PARVB: variants seen among roughly 807,000 people sequenced by gnomAD.
PARVB encodes parvin beta.
Under a neutral mutation model 47.0 loss-of-function variants are expected in PARVB, and 46 were observed. That is an observed-to-expected ratio of 0.98 (90% confidence interval 0.77 to 1.25). The LOEUF (loss-of-function observed/expected upper bound fraction) is 1.25. Among genes scored for constraint, PARVB ranks in the 50% most tolerant of loss-of-function variants. PARVB has a pLI of 0.00. For synonymous variants in PARVB, 196 were observed against 196.3 expected (o/e 1.00, Z 0.01); for missense variants, 473 against 471.6 (o/e 1.00, Z -0.03).
At position 44,049,789 on chromosome 22, in the gene PARVB, G is replaced by A. The variant is rs2051175212; in HGVS notation, c.112+25338G>A. ...AGCAGGAGACCTCTGCCCGGGAACG[G>A]GCCATTTGGGGGCTCAGCCATCTGG... is the stretch of plus-strand genomic sequence containing the variant. On this transcript the variant is annotated intron_variant, in intron 1 of 12. Transcript: ENST00000338758. This position sits in a 1 kb window ranked among gnomAD's most constrained non-coding sequence, Gnocchi z 4.0. 6.6e-6 allele frequency among the ~76,000 whole-genome samples: 1 copy of A among 152,220 alleles called. No individual in the cohort carries two copies. Among genetic ancestry groups the A allele is most frequent in the Admixed American group, 6.5e-5 (1 of 15,284 alleles).
chr22:44,009,318 A>G (rs995648503), intron 2 of PARVB, among the ~76,000 whole-genome samples: 16 of 152,340 alleles, frequency 1.1e-4, no homozygotes, highest in East Asian at 5.8e-4. Flanking sequence ...GAAAGTTTCT[A>G]TCACTTTTAT....
intron 2 of PARVB, among the ~76,000 whole-genome samples, chr22:44,003,380 G>T (rs1015242567): frequency 6.6e-6 from 1 of 152,168 alleles, no homozygotes; most frequent in Non-Finnish European, 1.5e-5. Context: ...ACTGTGATGT[G>T]GCCTTGGGGA....
rs1049097037 is a variant in PARVB, at chr22:44,125,322, G to A, written c.377-6165G>A. On this transcript the variant is annotated intron_variant, in intron 4 of 12. Coordinates refer to ENST00000338758, the MANE Select transcript of PARVB (RefSeq NM_013327.5). The surrounding 1 kb of genome is among the most constrained non-coding windows in gnomAD (Gnocchi z 4.1). ...AAGAGAGATGAGCCCCGCACCCTGC[G>A]CCTGCCCACTCCCCCAGCACACATT... Among the ~76,000 whole-genome samples the A allele has an allele frequency of 1.3e-5, 2 of 152,142 alleles. No homozygotes were observed. The highest frequency in any genetic ancestry group is 2.4e-5 in the African/African-American group (1 of 41,438).
intron 9 of PARVB, chr22:44,148,196 C>A: frequency 2.0e-6 from 1 of 491,732 alleles, no homozygotes; most frequent in South Asian, 2.1e-5. Flanking sequence ...TGACTCGAGA[C>A]CTTTTTTCAA....
At chr22:44,055,656 ATC>A (rs3083345) in intron 1 of PARVB, among the ~76,000 whole-genome samples, 13,006 of 148,158 alleles carry the variant, frequency 0.088, 691 homozygotes, top group Middle Eastern at 0.12. Flanking sequence ...GTCTCTATCC[ATC>A]TCTCTCTCTC....
At chr22:44,011,168 C>T (rs2050518976) in intron 2 of PARVB, among the ~76,000 whole-genome samples, 1 of 152,036 alleles carries the variant, frequency 6.6e-6, no homozygotes, top group South Asian at 2.1e-4. Context: ...GAGATGGACT[C>T]TTGCTGTGTT....
At chr22:44,040,109 T>C (rs151017064) in intron 1 of PARVB, among the ~76,000 whole-genome samples, 1 of 152,310 alleles carries the variant, frequency 6.6e-6, no homozygotes, top group East Asian at 1.9e-4. Flanking sequence ...TTCTTTACAG[T>C]GAGAGTGGTT....
At chr22:44,153,836 C>T (rs990430219) in intron 10 of PARVB, among the ~76,000 whole-genome samples, 2 of 152,184 alleles carry the variant, frequency 1.3e-5, no homozygotes, top group Non-Finnish European at 2.9e-5. Flanking sequence ...AGCGGGAAGG[C>T]TGCACTGCAC....
At chr22:44,071,135 C>G (rs2051646353) in intron 1 of PARVB, among the ~76,000 whole-genome samples, 1 of 152,136 alleles carries the variant, frequency 6.6e-6, no homozygotes, top group East Asian at 1.9e-4. Flanking sequence ...CGCTCTGTCC[C>G]CTCCCCTTGG....
In PARVB at chr22:44,150,398, G is replaced by A. The variant is rs117253157; in HGVS notation, c.775-1085G>A. 6.8e-3 allele frequency: 1,034 copies of A among 152,312 alleles called. 8 individuals are homozygous for A. Among genetic ancestry groups the A allele is most frequent in the Middle Eastern group, 0.034 (10 of 298 alleles). The allele number at this position is 152,312 out of a possible 1,614,324, so 9.4% of individuals were successfully genotyped here. A position where few individuals can be genotyped will look rare whatever the true frequency, so the allele number is the denominator to read the frequency against. ...TTGCAAATCGATAGGCAGGCTGGGC[G>A]CTGTGGCTCACACCTGTAATTTCAG... On this transcript the variant is annotated intron_variant, in intron 9 of 12. Transcript: ENST00000338758.
intron 1 of PARVB, among the ~76,000 whole-genome samples, chr22:44,047,813 G>A (rs2051140246): frequency 6.6e-6 from 1 of 152,188 alleles, no homozygotes. Flanking sequence ...AGGGAGCCTT[G>A]ACCCAGGTAT....
chr22:44,037,502 C>T (rs557652694), intron 1 of PARVB, among the ~76,000 whole-genome samples: 2 of 152,294 alleles, frequency 1.3e-5, no homozygotes, highest in East Asian at 3.9e-4. Flanking sequence ...CTGCTGATGT[C>T]CCAGGTGCTG....
chr22:44,080,116 C>T (rs563527995), intron 1 of PARVB, among the ~76,000 whole-genome samples: 3 of 152,316 alleles, frequency 2.0e-5, no homozygotes, highest in South Asian at 2.1e-4. Flanking sequence ...GTTTCAGTAA[C>T]GCTTGTGCCA....
chr22:44,069,225 C>A, intron 1 of PARVB: 1 of 1,436,602 alleles, frequency 7.0e-7, no homozygotes, highest in Non-Finnish European at 9.8e-7. Flanking sequence ...CCCTTCTTTT[C>A]TTTTCTGCTT....
At chr22:44,048,680 G>A (rs888187310) in intron 1 of PARVB, among the ~76,000 whole-genome samples, 5 of 152,186 alleles carry the variant, frequency 3.3e-5, no homozygotes, top group African/African-American at 9.7e-5. Flanking sequence ...TCCTGCCTCA[G>A]CCTCCCAAGT....
At chr22:44,067,489 C>A (rs989276644) in intron 1 of PARVB, among the ~76,000 whole-genome samples, 4 of 152,256 alleles carry the variant, frequency 2.6e-5, no homozygotes, top group Admixed American at 6.5e-5. Context: ...ACACACACGT[C>A]AGGAAGACCC....
intron 12 of PARVB, among the ~76,000 whole-genome samples, chr22:44,167,743 G>A (rs1325017404): frequency 1.2e-5 from 1 of 83,492 alleles, no homozygotes; most frequent in Non-Finnish European, 2.7e-5. Flanking sequence ...AGAGCCCCGG[G>A]TGTGTCCCCA....
intron 2 of PARVB, among the ~76,000 whole-genome samples, chr22:44,098,299 C>T (rs550253390): frequency 7.9e-5 from 12 of 152,302 alleles, no homozygotes; most frequent in African/African-American, 2.6e-4. Context: ...GAGGGGGTCT[C>T]AGACATGGGT....
upstream of PARVB, among the ~76,000 whole-genome samples, chr22:44,022,716 C>T (rs753570831): frequency 1.3e-5 from 2 of 151,694 alleles, no homozygotes. Flanking sequence ...ACCCAGCCTT[C>T]ACTCCTCCTA....
Sources: allele counts gnomAD v4.1 joint callset (sites outside exome capture counted in the v4.1 genomes callset), GRCh38; gene constraint gnomAD v4.1.1; non-coding constraint Gnocchi (gnomAD v3.1); transcripts MANE v1.5; gene names NCBI Gene and HGNC (gene_info 2026-07-23, HGNC 2026-07-21).